Variants in CNTN6 observed in about 807,000 individuals in gnomAD.
CNTN6 encodes the protein contactin 6.
Under a neutral mutation model 122.8 loss-of-function variants are expected in CNTN6, and 137 were observed. The ratio of observed to expected loss-of-function variants is 1.12; its 90% CI spans 0.97 to 1.29. The LOEUF (loss-of-function observed/expected upper bound fraction) is 1.29, where lower values mean the gene tolerates loss of function less well. CNTN6 is among the 50% of genes most tolerant of loss of function. The probability of loss-of-function intolerance (pLI) is 0.00; values close to 1 mark genes in which losing one functional copy is unlikely to be tolerated. For synonymous variants in CNTN6, 570 were observed against 426.0 expected (o/e 1.34, Z -4.16); for missense variants, 1,634 against 1,223.4 (o/e 1.34, Z -5.01).
At chr3:1,148,969 T>A (rs72997899) in intron 2 of CNTN6, among the ~76,000 whole-genome samples, 6 of 152,304 alleles carry the variant, frequency 3.9e-5, no homozygotes, top group Non-Finnish European at 5.9e-5. Context: ...GCAGCATTTC[T>A]TGATGCCAAC....
chr3:1,314,953 A>T (rs377310030), intron 7 of CNTN6, among the ~76,000 whole-genome samples: 2 of 151,962 alleles, frequency 1.3e-5, no homozygotes, highest in African/African-American at 4.8e-5. Context: ...GAATAAGAGA[A>T]TTGCTTCATA....
At chr3:1,395,407 T>C (rs1480237534) in intron 20 of CNTN6, among the ~76,000 whole-genome samples, 3 of 152,182 alleles carry the variant, frequency 2.0e-5, no homozygotes, top group Non-Finnish European at 4.4e-5. Context: ...ATTTGTTTCC[T>C]GTTTTCTGGC....
chr3:1,276,408 A>C (rs1692369494), intron 4 of CNTN6, among the ~76,000 whole-genome samples: 1 of 152,200 alleles, frequency 6.6e-6, no homozygotes, highest in Non-Finnish European at 1.5e-5. Context: ...TGTTCCAGGT[A>C]TGATTCAACG....
chr3:1,166,388 T>C (rs2093249060), intron 2 of CNTN6, among the ~76,000 whole-genome samples: 1 of 152,202 alleles, frequency 6.6e-6, no homozygotes, highest in South Asian at 2.1e-4. Context: ...TTCCTGCATT[T>C]TGCCAAACAC....
rs773414799 is a variant in CNTN6 at position 1,321,743 on chromosome 3, G to T, written c.855G>T (p.Pro285=). The change falls in exon 8 of 23, where the codon CCG becomes CCT. Residue 285 remains proline, a synonymous_variant. Transcript: ENST00000446702. ...YSKSQAILEI[P]NFQQEDEGFY... Reference sequence around the variant, plus strand: ...AATCCCAAGCTATCCTTGAAATCCCGAACTTCCAACAAGAAGATGAAGGCT... The same window carrying T: ...AATCCCAAGCTATCCTTGAAATCCCTAACTTCCAACAAGAAGATGAAGGCT... 8 of 1,611,792 alleles carry T rather than the reference G, an allele frequency of 5.0e-6. No homozygotes were observed. The highest frequency in any genetic ancestry group is 6.8e-6 in the Non-Finnish European group (8 of 1,178,626).
intron 1 of CNTN6, among the ~76,000 whole-genome samples, chr3:1,125,295 C>G (rs1414918138): frequency 6.6e-6 from 1 of 151,796 alleles, no homozygotes; most frequent in Non-Finnish European, 1.5e-5. Flanking sequence ...GACACAGACC[C>G]AAAGCTTTAC....
intron 1 of CNTN6, among the ~76,000 whole-genome samples, chr3:1,142,526 C>T (rs568593445): frequency 5.3e-5 from 8 of 152,132 alleles, no homozygotes; most frequent in Non-Finnish European, 1.2e-4. Flanking sequence ...TAACAGAAAT[C>T]TTCACAGCCA....
At chr3:1,142,070 T>A (rs2092620693) in intron 1 of CNTN6, among the ~76,000 whole-genome samples, 1 of 152,142 alleles carries the variant, frequency 6.6e-6, no homozygotes, top group African/African-American at 2.4e-5. Context: ...GGCAGCCACC[T>A]TCCAGAATTT....
At chr3:1,327,684 T>TGCTGTC in intron 10 of CNTN6, 98 bp downstream of exon 10, 1 of 1,204,972 alleles carries the variant, frequency 8.3e-7, no homozygotes, top group Non-Finnish European at 1.2e-6. Context: ...AATTAGAAAT[T>TGCTGTC]GCTGTCCCAT....
intron 1 of CNTN6, among the ~76,000 whole-genome samples, chr3:1,140,951 A>C (rs1323321918): frequency 3.9e-5 from 6 of 152,180 alleles, no homozygotes; most frequent in African/African-American, 1.4e-4. Context: ...CTGAAAACAA[A>C]GAATTTGATG....
intron 5 of CNTN6, among the ~76,000 whole-genome samples, chr3:1,289,723 G>A (rs1381435707): frequency 1.4e-5 from 2 of 146,968 alleles, no homozygotes; most frequent in African/African-American, 5.0e-5. Context: ...GGCCCAGGCT[G>A]GAGGGCAGGG....
rs749993057 is a variant in CNTN6, at chr3:1,119,589, A to T, written c.-83+26469A>T. Among the ~76,000 whole-genome samples, 4 of 152,080 alleles carry T rather than the reference A, an allele frequency of 2.6e-5. No homozygotes were observed. The South Asian group carries it at 8.3e-4, about 32-fold the overall frequency. Reference sequence around the variant, plus strand: ...AGAATGAGAGCCACAAGACTAAAAGAGAATTCCACTTGTGCGTAAACAGAA... The same window carrying T: ...AGAATGAGAGCCACAAGACTAAAAGTGAATTCCACTTGTGCGTAAACAGAA... On this transcript the variant is annotated intron_variant, in intron 1 of 22. Transcript: ENST00000446702.
At chr3:1,141,557 T>A (rs2092608956) in intron 1 of CNTN6, among the ~76,000 whole-genome samples, 1 of 152,150 alleles carries the variant, frequency 6.6e-6, no homozygotes, top group Non-Finnish European at 1.5e-5. Flanking sequence ...TAGTTTCTAC[T>A]TTTCCTGCTA....
chr3:1,189,757 T>C (rs1397125395), intron 2 of CNTN6, among the ~76,000 whole-genome samples: 1 of 152,132 alleles, frequency 6.6e-6, no homozygotes, highest in Non-Finnish European at 1.5e-5. Flanking sequence ...TGTGATTGAA[T>C]AGTAATGTCT....
chr3:1,159,761 C>T (rs2093078744), intron 2 of CNTN6, among the ~76,000 whole-genome samples: 1 of 151,994 alleles, frequency 6.6e-6, no homozygotes, highest in Admixed American at 6.6e-5. Flanking sequence ...ACTGTTACTA[C>T]AATCCCACTT....
chr3:1,315,348 A>G (rs1034717440), intron 7 of CNTN6, among the ~76,000 whole-genome samples: 2 of 152,040 alleles, frequency 1.3e-5, no homozygotes, highest in African/African-American at 4.8e-5. Flanking sequence ...GAAACAGTCT[A>G]TTAGTGCTTT....
chr3:1,332,334 A>G (rs1448997474), intron 11 of CNTN6, among the ~76,000 whole-genome samples: 1 of 151,950 alleles, frequency 6.6e-6, no homozygotes, highest in African/African-American at 2.4e-5. Flanking sequence ...GACTGGCTTT[A>G]TTAAGTGCAT....
At chr3:1,315,154 T>G (rs928162374) in intron 7 of CNTN6, among the ~76,000 whole-genome samples, 15 of 152,024 alleles carry the variant, frequency 9.9e-5, no homozygotes, top group African/African-American at 3.6e-4. Flanking sequence ...ATCTCCATTC[T>G]GAAGACCCCT....
At chr3:1,348,040 G>C (rs1705005251) in intron 11 of CNTN6, among the ~76,000 whole-genome samples, 1 of 151,234 alleles carries the variant, frequency 6.6e-6, no homozygotes, top group Admixed American at 6.6e-5. Context: ...TTCATTGAAA[G>C]CCTACCTATT....
Sources: gnomAD v4.1 joint callset for allele counts (sites outside exome capture counted in the v4.1 genomes callset) on GRCh38, gnomAD v4.1.1 for gene constraint, MANE v1.5 for transcripts, NCBI Gene and HGNC (gene_info 2026-07-23, HGNC 2026-07-21) for gene names.